The following TSHZ2 variants were observed in gnomAD, a reference collection of about 807,000 sequenced individuals.
TSHZ2 encodes teashirt homolog 2.
In TSHZ2, 21 loss-of-function variants were observed where a neutral mutation model predicts 74.4. The ratio of observed to expected loss-of-function variants is 0.28; its 90% CI spans 0.20 to 0.41. The LOEUF (loss-of-function observed/expected upper bound fraction) is 0.41, where lower values mean the gene tolerates loss of function less well. Ranked by LOEUF, TSHZ2 falls within the 10% of genes least tolerant of loss-of-function variation. The pLI, the probability that TSHZ2 is intolerant of heterozygous loss-of-function variation, is 1.00. For missense variants in TSHZ2, 1,244 were observed against 1,293.5 expected (o/e 0.96, Z 0.59); for synonymous variants, 540 against 515.3 (o/e 1.05, Z -0.65).
At chr20:53,308,310 T>C (rs1978632134) in intron 2 of TSHZ2, among the ~76,000 whole-genome samples, 1 of 152,162 alleles carries the variant, frequency 6.6e-6, no homozygotes, top group Admixed American at 6.5e-5. Context: ...AAATGTTGAT[T>C]CTGGGTCTTG....
chr20:53,173,557 G>A (rs1482181478), intron 1 of TSHZ2, among the ~76,000 whole-genome samples: 4 of 152,162 alleles, frequency 2.6e-5, no homozygotes, highest in Non-Finnish European at 4.4e-5. Flanking sequence ...GCAGTGAGCC[G>A]ACGTAGCGCC....
intron 2 of TSHZ2, among the ~76,000 whole-genome samples, chr20:53,400,834 G>A (rs904504011): frequency 6.6e-6 from 1 of 152,084 alleles, no homozygotes; most frequent in Non-Finnish European, 1.5e-5. Context: ...ACAGAGGAGG[G>A]TGCTCTCCCA....
intron 1 of TSHZ2, among the ~76,000 whole-genome samples, chr20:53,143,712 A>AAAT (rs559651046): frequency 9.2e-5 from 14 of 151,740 alleles, no homozygotes; most frequent in Admixed American, 4.6e-4. Flanking sequence ...ATAAATAAAT[A>AAAT]AATAATAATA....
intron 1 of TSHZ2, among the ~76,000 whole-genome samples, chr20:53,001,205 C>CGTGTGTGTGTGTGTGT (rs558621179): frequency 5.3e-5 from 5 of 94,192 alleles, no homozygotes; most frequent in South Asian, 3.5e-4. Context: ...CGTTCATGTG[C>CGTGTGTGTGTGTGTGT]GTGTGTGTGT....
intron 1 of TSHZ2, among the ~76,000 whole-genome samples, chr20:53,113,355 C>A (rs1037437252): frequency 6.6e-6 from 1 of 152,112 alleles, no homozygotes; most frequent in Non-Finnish European, 1.5e-5. Context: ...CTTCGTTGTT[C>A]GTTAGCCCAC....
At chr20:53,028,302 G>T (rs565810157) in intron 1 of TSHZ2, among the ~76,000 whole-genome samples, 1 of 152,156 alleles carries the variant, frequency 6.6e-6, no homozygotes, top group Non-Finnish European at 1.5e-5. Context: ...AATAACAAAG[G>T]TTCATCCTCA....
chr20:53,119,102 C>A (rs1056885381), intron 1 of TSHZ2, among the ~76,000 whole-genome samples: 14 of 152,144 alleles, frequency 9.2e-5, no homozygotes, highest in African/African-American at 3.4e-4. Context: ...TCCCACCAGG[C>A]CTCACCTCCA....
intron 2 of TSHZ2, among the ~76,000 whole-genome samples, chr20:53,465,291 GAC>G (rs1177374662): frequency 6.6e-6 from 1 of 152,128 alleles, no homozygotes; most frequent in Non-Finnish European, 1.5e-5. Context: ...GTGTGTGTGA[GAC>G]AGAGTCTCGC....
Position 53,110,203 on chromosome 20 carries a change from C to T in TSHZ2, c.40+136870C>T, listed in dbSNP as rs572954904. 2.6e-4 allele frequency among the ~76,000 whole-genome samples: 39 copies of T among 152,212 alleles called. No homozygotes were observed. The South Asian group carries it at 7.3e-3, about 28-fold the overall frequency. ...ACTTAATTCTGTTCACTGCCCCGCC[C>T]CTCTAGGCAGCTTAAGTTGTCATTC... On this transcript the variant is annotated intron_variant, in intron 1 of 2. Transcript: ENST00000371497.
At chr20:52,997,999 T>C (rs1982269633) in intron 1 of TSHZ2, among the ~76,000 whole-genome samples, 1 of 152,144 alleles carries the variant, frequency 6.6e-6, no homozygotes, top group South Asian at 2.1e-4. Context: ...TTCATCAGAA[T>C]CTGCATTTTC....
At chr20:53,315,330 A>T (rs1978959896) in intron 2 of TSHZ2, among the ~76,000 whole-genome samples, 1 of 152,224 alleles carries the variant, frequency 6.6e-6, no homozygotes, top group South Asian at 2.1e-4. Context: ...CCACACTTTT[A>T]ATTGGATCCT....
intron 2 of TSHZ2, among the ~76,000 whole-genome samples, chr20:53,464,153 G>T (rs965951403): frequency 1.2e-4 from 19 of 152,218 alleles, no homozygotes; most frequent in African/African-American, 4.3e-4. Context: ...TGGACCAGGA[G>T]CCATGGTGGC....
At chr20:53,418,478 C>T (rs1222228290) in intron 2 of TSHZ2, among the ~76,000 whole-genome samples, 9 of 152,174 alleles carry the variant, frequency 5.9e-5, no homozygotes, top group Non-Finnish European at 1.3e-4. Flanking sequence ...TGACACCTCA[C>T]AATCATGGCA....
chr20:53,146,661 A>C (rs767262617), intron 1 of TSHZ2, among the ~76,000 whole-genome samples: 3 of 152,200 alleles, frequency 2.0e-5, no homozygotes, highest in Non-Finnish European at 4.4e-5. Flanking sequence ...CAAGACCAGG[A>C]GGTGAAGATG....
chr20:53,032,723 G>T (rs529855589), intron 1 of TSHZ2, among the ~76,000 whole-genome samples: 51 of 151,774 alleles, frequency 3.4e-4, no homozygotes, highest in Middle Eastern at 6.8e-3. Flanking sequence ...GATTTCCTGA[G>T]TTACTTTTCC....
Position 53,256,463 on chromosome 20 carries a change from C to T in TSHZ2, c.3005C>T (p.Thr1002Ile). 1.2e-6 allele frequency: 2 copies of T among 1,614,096 alleles called. No homozygotes were observed. Among genetic ancestry groups the T allele is most frequent in the South Asian group, 1.1e-5 (1 of 91,074 alleles). The change falls in exon 2 of 3, where the codon ACA becomes ATA. Residue 1002 changes from threonine to isoleucine, a missense_variant. Thr to Ile is a moderately conservative substitution (Grantham distance 89, BLOSUM62 -1). Transcript: ENST00000371497. This position sits in a 1 kb window ranked among gnomAD's most constrained non-coding sequence, Gnocchi z 4.3. ...SKFKCKLCCR[T>I]FVSKHAVKLH... ...TTCAAGTGTAAGTTGTGCTGTCGGA[C>T]ATTTGTGAGCAAACATGCGGTAAAA...
At chr20:53,391,550 GC>G (rs1982260386) in intron 2 of TSHZ2, among the ~76,000 whole-genome samples, 1 of 151,638 alleles carries the variant, frequency 6.6e-6, no homozygotes, top group Non-Finnish European at 1.5e-5. Context: ...TTCCACTTCA[GC>G]CTCCTAAAGT....
chr20:53,114,938 A>G (rs917280819), intron 1 of TSHZ2, among the ~76,000 whole-genome samples: 1 of 152,180 alleles, frequency 6.6e-6, no homozygotes, highest in Non-Finnish European at 1.5e-5. Flanking sequence ...GAGGCAGGAA[A>G]AAACTTGGGT....
chr20:53,322,110 G>T (rs1332160523), intron 2 of TSHZ2, among the ~76,000 whole-genome samples: 1 of 152,128 alleles, frequency 6.6e-6, no homozygotes, highest in African/African-American at 2.4e-5. Flanking sequence ...ACCTCTCTGG[G>T]ACTCTATTTT....
Sources: allele counts gnomAD v4.1 joint callset (sites outside exome capture counted in the v4.1 genomes callset), GRCh38; gene constraint gnomAD v4.1.1; non-coding constraint Gnocchi (gnomAD v3.1); transcripts MANE v1.5; gene names NCBI Gene and HGNC (gene_info 2026-07-23, HGNC 2026-07-21).